Variants in RAB3C observed in about 807,000 individuals in gnomAD.
RAB3C encodes ras-related protein Rab-3C.
A neutral mutation model predicts 26.4 loss-of-function variants in RAB3C; 17 were observed. The observed-to-expected ratio is 0.64, with a 90% confidence interval of 0.44 to 0.97. The LOEUF is 0.97. RAB3C is among the 50% of genes least tolerant of loss of function. The pLI is 0.00. For missense variants in RAB3C, 242 were observed against 281.9 expected, an observed-to-expected ratio of 0.86 and a Z score of 1.01; for synonymous variants, 91 against 95.9, an observed-to-expected ratio of 0.95 and a Z score of 0.30.
intron 1 of RAB3C, among the ~76,000 whole-genome samples, chr5:58,610,963 G>A: frequency 6.6e-6 from 1 of 151,758 alleles, no homozygotes; most frequent in South Asian, 2.1e-4. Flanking sequence ...GTGTCCGTGT[G>A]TTCTCATCAT....
At chr5:58,650,890 G>T (rs1747634911) in intron 2 of RAB3C, among the ~76,000 whole-genome samples, 1 of 152,102 alleles carries the variant, frequency 6.6e-6, no homozygotes, top group Non-Finnish European at 1.5e-5. Flanking sequence ...CAAGGGCAAA[G>T]AAAAGGGGAA....
intron 3 of RAB3C, among the ~76,000 whole-genome samples, chr5:58,726,965 G>T (rs927577464): frequency 1.7e-4 from 26 of 151,968 alleles, no homozygotes; most frequent in Admixed American, 1.4e-3. Context: ...GTAGGGCTTT[G>T]TGTGACATTA....
At chr5:58,718,159 C>G (rs1315391720) in intron 2 of RAB3C, among the ~76,000 whole-genome samples, 2 of 152,028 alleles carry the variant, frequency 1.3e-5, no homozygotes, top group African/African-American at 4.8e-5. Context: ...CAAAATCCCA[C>G]TGGGAAAAAG....
chr5:58,633,212 G>A (rs534818202), intron 2 of RAB3C, among the ~76,000 whole-genome samples: 2 of 152,314 alleles, frequency 1.3e-5, no homozygotes, highest in Non-Finnish European at 2.9e-5. Flanking sequence ...CTAGAGGAAG[G>A]CAGAGAGGGC....
intron 3 of RAB3C, chr5:58,788,214 A>G (rs1484822942): frequency 1.3e-5 from 2 of 152,292 alleles, no homozygotes; most frequent in African/African-American, 2.4e-5. Flanking sequence ...ATGCTGCTTC[A>G]GTCTGGCTTC....
chr5:58,839,584 G>A (rs1350283902), intron 4 of RAB3C, among the ~76,000 whole-genome samples: 1 of 151,964 alleles, frequency 6.6e-6, no homozygotes, highest in African/African-American at 2.4e-5. Context: ...TGGTTAGGTT[G>A]GTCAAGAACT....
Position 58,625,624 on chromosome 5 carries a change from C to T in RAB3C, c.252+7754C>T, listed in dbSNP as rs182443108. ...CTGTAATCCCAGCACTTTGGGAGGC[C>T]GAGGTGGGTGGATCACGAGGTCAGG... is the stretch of plus-strand genomic sequence containing the variant. On this transcript the variant is annotated intron_variant, in intron 2 of 4. Transcript: ENST00000282878. 7.2e-5 allele frequency among the ~76,000 whole-genome samples: 11 copies of T among 152,052 alleles called. No individual in the cohort carries two copies. The South Asian group carries it at 1.2e-3, about 17-fold the overall frequency.
chr5:58,642,265 A>G (rs1210048672), intron 2 of RAB3C, among the ~76,000 whole-genome samples: 1 of 152,258 alleles, frequency 6.6e-6, no homozygotes, highest in Admixed American at 6.5e-5. Context: ...TCAATGGAAG[A>G]TAAAACTGAG....
chr5:58,635,346 C>A (rs1747267250), intron 2 of RAB3C, among the ~76,000 whole-genome samples: 1 of 152,172 alleles, frequency 6.6e-6, no homozygotes, highest in African/African-American at 2.4e-5. Context: ...TTAATGGGAA[C>A]TTTCCAAAGG....
intron 2 of RAB3C, among the ~76,000 whole-genome samples, chr5:58,674,508 C>A (rs927319435): frequency 6.6e-6 from 1 of 152,114 alleles, no homozygotes; most frequent in African/African-American, 2.4e-5. Context: ...GCATATAATG[C>A]CAAGAAATCA....
At position 58,726,243 on chromosome 5, in the gene RAB3C, G is replaced by A. The variant is rs374488682; in HGVS notation, c.371+123G>A. The A allele has an allele frequency of 1.4e-4, 72 of 509,258 alleles. 1 individual carries two copies. The highest frequency in any genetic ancestry group is 9.9e-4 in the East Asian group (32 of 32,234). 31.5% of individuals were successfully genotyped at this position (509,258 alleles called of 1,614,324 possible). On this transcript the variant is annotated intron_variant, in intron 3 of 4. Coordinates refer to ENST00000282878, the MANE Select transcript of RAB3C (RefSeq NM_138453.4). ...TGTGTTTACATTACACTACAATCCCGCTTGTGCTTCATTTAAAAAAAAATG... is the reference window on the plus strand; with the variant it reads ...TGTGTTTACATTACACTACAATCCCACTTGTGCTTCATTTAAAAAAAAATG...
At chr5:58,585,457 T>G (rs1182316421) in intron 1 of RAB3C, among the ~76,000 whole-genome samples, 1 of 152,050 alleles carries the variant, frequency 6.6e-6, no homozygotes, top group African/African-American at 2.4e-5. Flanking sequence ...AATATTTTTT[T>G]ACTTAGGTCT....
At chr5:58,784,980 T>G (rs558520328) in intron 3 of RAB3C, among the ~76,000 whole-genome samples, 1 of 152,214 alleles carries the variant, frequency 6.6e-6, no homozygotes, top group African/African-American at 2.4e-5. Flanking sequence ...CTCAACATCA[T>G]GCAGCAGTTG....
intron 3 of RAB3C, among the ~76,000 whole-genome samples, chr5:58,742,671 A>G (rs777652835): frequency 6.6e-6 from 1 of 152,200 alleles, no homozygotes; most frequent in Admixed American, 6.5e-5. Context: ...TGAATTTTAA[A>G]TATGTATATC....
At chr5:58,639,081 C>A (rs913850434) in intron 2 of RAB3C, among the ~76,000 whole-genome samples, 2 of 152,210 alleles carry the variant, frequency 1.3e-5, no homozygotes, top group Non-Finnish European at 2.9e-5. Flanking sequence ...GATAGAAGAC[C>A]AGAGCCAGGA....
chr5:58,586,051 T>G (rs908195737), intron 1 of RAB3C, among the ~76,000 whole-genome samples: 3 of 152,016 alleles, frequency 2.0e-5, no homozygotes, highest in African/African-American at 4.8e-5. Context: ...GGAGCCACAT[T>G]GAACAAATTC....
intron 3 of RAB3C, among the ~76,000 whole-genome samples, chr5:58,740,158 G>A (rs1741246367): frequency 6.6e-6 from 1 of 152,216 alleles, no homozygotes; most frequent in African/African-American, 2.4e-5. Context: ...GGGGCCATGT[G>A]TGGGCATGGG....
At chr5:58,828,362 G>A (rs111516033) in intron 4 of RAB3C, among the ~76,000 whole-genome samples, 1 of 152,092 alleles carries the variant, frequency 6.6e-6, no homozygotes, top group Admixed American at 6.5e-5. Flanking sequence ...CATTTATGAC[G>A]TGGTGCTCTC....
chr5:58,680,133 A>C (rs749787185), intron 2 of RAB3C, among the ~76,000 whole-genome samples: 1 of 152,182 alleles, frequency 6.6e-6, no homozygotes, highest in African/African-American at 2.4e-5. Context: ...AATCAAAGAA[A>C]GGGAAGGAGT....
Sources: allele counts gnomAD v4.1 joint callset (sites outside exome capture counted in the v4.1 genomes callset), GRCh38; gene constraint gnomAD v4.1.1; transcripts MANE v1.5; gene names NCBI Gene and HGNC (gene_info 2026-07-23, HGNC 2026-07-21).